Variants in TRPM3 observed in about 807,000 individuals in gnomAD.
TRPM3 encodes long transient receptor potential channel 3.
In TRPM3, 77 loss-of-function variants were observed where a neutral mutation model predicts 181.2. The observed-to-expected ratio is 0.42, with a 90% CI of 0.35 to 0.51. The LOEUF is 0.51. TRPM3 is among the 20% of genes least tolerant of loss of function. The pLI, the probability that TRPM3 is intolerant of heterozygous loss-of-function variation, is 0.01. For synonymous variants in TRPM3, 745 were observed against 796.4 expected (o/e 0.94, Z 1.09); for missense variants, 1,759 against 2,196.7 (o/e 0.80, Z 3.98).
chr9:70,572,272 G>A (rs1386416262), intron 22 of TRPM3, among the ~76,000 whole-genome samples: 1 of 152,140 alleles, frequency 6.6e-6, no homozygotes, highest in Non-Finnish European at 1.5e-5. Context: ...TTTGTAGAAA[G>A]GTTGCAGAGT....
At chr9:71,215,048 A>T in intron 1 of TRPM3, among the ~76,000 whole-genome samples, 1 of 55,794 alleles carries the variant, frequency 1.8e-5, no homozygotes, top group Non-Finnish European at 4.0e-5. Flanking sequence ...AAAAAAAAAC[A>T]AAAAAAAAAA....
At chr9:71,139,973 T>G (rs1340170423) in intron 1 of TRPM3, among the ~76,000 whole-genome samples, 2 of 152,196 alleles carry the variant, frequency 1.3e-5, no homozygotes, top group African/African-American at 4.8e-5. Flanking sequence ...GCCCTCGCTA[T>G]GCTATTTACT....
intron 1 of TRPM3, among the ~76,000 whole-genome samples, chr9:71,298,305 T>A (rs945018832): frequency 6.6e-6 from 1 of 152,126 alleles, no homozygotes; most frequent in Non-Finnish European, 1.5e-5. Flanking sequence ...ATACATCTGG[T>A]TGGGTCAATC....
At chr9:70,890,381 A>G (rs2096179364) in intron 1 of TRPM3, among the ~76,000 whole-genome samples, 1 of 152,062 alleles carries the variant, frequency 6.6e-6, no homozygotes, top group African/African-American at 2.4e-5. Context: ...GCAAAAGAGA[A>G]CAGAGAACAC....
chr9:70,855,710 C>A (rs1211269789), intron 3 of TRPM3, among the ~76,000 whole-genome samples: 3 of 152,150 alleles, frequency 2.0e-5, no homozygotes, highest in Admixed American at 2.0e-4. Flanking sequence ...CATTTCCTAA[C>A]TCTTTGTAGG....
intron 22 of TRPM3, among the ~76,000 whole-genome samples, chr9:70,568,548 C>T (rs2132119584): frequency 6.6e-6 from 1 of 152,286 alleles, no homozygotes; most frequent in Admixed American, 6.5e-5. Context: ...TGCTATACCC[C>T]AGGCATTATT....
intron 1 of TRPM3, among the ~76,000 whole-genome samples, chr9:70,992,349 G>A (rs570284940): frequency 6.6e-6 from 1 of 152,112 alleles, no homozygotes; most frequent in Non-Finnish European, 1.5e-5. Flanking sequence ...TGTGAAGCAG[G>A]GCTTCTACAC....
At chr9:71,276,923 T>C (rs1234658382) in intron 1 of TRPM3, among the ~76,000 whole-genome samples, 1 of 152,028 alleles carries the variant, frequency 6.6e-6, no homozygotes, top group Non-Finnish European at 1.5e-5. Context: ...AATGAAAAAA[T>C]AAGTTGTGAT....
chr9:71,273,614 G>A (rs1298624394), intron 1 of TRPM3, among the ~76,000 whole-genome samples: 4 of 152,316 alleles, frequency 2.6e-5, no homozygotes, highest in East Asian at 1.9e-4. Flanking sequence ...GGCTTTATGC[G>A]ACTCTGGGAA....
chr9:71,033,039 C>A (rs2057730985), intron 1 of TRPM3, among the ~76,000 whole-genome samples: 2 of 152,176 alleles, frequency 1.3e-5, no homozygotes, highest in Admixed American at 6.5e-5. Context: ...TCTTTTGGCA[C>A]CTATCTGATA....
chr9:70,881,036 T>A (rs899861609), intron 1 of TRPM3, among the ~76,000 whole-genome samples: 1 of 152,166 alleles, frequency 6.6e-6, no homozygotes, highest in Non-Finnish European at 1.5e-5. Flanking sequence ...ATAAACATGA[T>A]GACAATCCTG....
At chr9:71,303,092 C>A (rs1415918874) in intron 1 of TRPM3, among the ~76,000 whole-genome samples, 1 of 152,104 alleles carries the variant, frequency 6.6e-6, no homozygotes, top group Non-Finnish European at 1.5e-5. Context: ...CCTGAAGGAA[C>A]CCAGAGGACT....
At chr9:70,606,712 GC>G (rs1008060147) in intron 19 of TRPM3, among the ~76,000 whole-genome samples, 27 of 151,378 alleles carry the variant, frequency 1.8e-4, no homozygotes, top group Non-Finnish European at 2.9e-5. Flanking sequence ...GAATTTCCAA[GC>G]TTTTGAACCT....
At chr9:70,701,554 C>G (rs1341519997) in intron 8 of TRPM3, among the ~76,000 whole-genome samples, 4 of 151,730 alleles carry the variant, frequency 2.6e-5, no homozygotes, top group African/African-American at 9.7e-5. Context: ...TCTTTTTTTC[C>G]TTTAATTTTC....
intron 1 of TRPM3, among the ~76,000 whole-genome samples, chr9:71,418,900 G>A (rs1178376005): frequency 9.4e-6 from 1 of 106,392 alleles, no homozygotes; most frequent in Non-Finnish European, 2.3e-5. Flanking sequence ...ACATATATAT[G>A]TGTGTGTGTA....
At chr9:70,899,051 T>C (rs1293954466) in intron 1 of TRPM3, among the ~76,000 whole-genome samples, 2 of 152,170 alleles carry the variant, frequency 1.3e-5, no homozygotes, top group African/African-American at 2.4e-5. Flanking sequence ...GGCCAGTGCC[T>C]GCATAAAGTG....
chr9:71,146,148 G>A (rs1165398337), intron 1 of TRPM3, among the ~76,000 whole-genome samples: 2 of 152,132 alleles, frequency 1.3e-5, no homozygotes, highest in African/African-American at 2.4e-5. Context: ...CCCAAACTAT[G>A]TTTTATCTTG....
chr9:70,535,284 G>T lies in TRPM3; in HGVS notation c.*669C>A. ...TGTTCCCTTATTTTCTTCAAAAAAG[G>T]ATAAACAGTTGTGGCACCAGAAGTG... is the stretch of plus-strand genomic sequence containing the variant. On this transcript the variant is annotated 3_prime_UTR_variant, in exon 26 of 26. Transcript: ENST00000677713. 2 of 858,634 alleles carry T rather than the reference G, an allele frequency of 2.3e-6. No homozygotes were observed. Among genetic ancestry groups the T allele is most frequent in the Non-Finnish European group, 3.5e-6 (2 of 565,284 alleles). 53.2% of individuals were successfully genotyped at this position (858,634 alleles called of 1,614,324 possible). A position where few individuals can be genotyped will look rare whatever the true frequency, so the allele number is the denominator to read the frequency against.
At chr9:71,027,861 G>A (rs1406728883) in intron 1 of TRPM3, among the ~76,000 whole-genome samples, 2 of 152,164 alleles carry the variant, frequency 1.3e-5, no homozygotes, top group East Asian at 3.9e-4. Context: ...TGAAAGAGAT[G>A]GAGAGAATGG....
Sources: allele counts gnomAD v4.1 joint callset (sites outside exome capture counted in the v4.1 genomes callset), GRCh38; gene constraint gnomAD v4.1.1; transcripts MANE v1.5; gene names NCBI Gene and HGNC (gene_info 2026-07-23, HGNC 2026-07-21).